NGF: variants seen among roughly 807,000 people sequenced by gnomAD.
NGF encodes the protein nerve growth factor.
NGF carries 4 observed loss-of-function variants against 12.8 expected under a neutral mutation model. The ratio of observed to expected loss-of-function variants is 0.31; its 90% CI spans 0.15 to 0.72. The LOEUF (loss-of-function observed/expected upper bound fraction) is 0.72, where lower values mean the gene tolerates loss of function less well. NGF is among the 30% of genes least tolerant of loss of function. NGF has a pLI of 0.69. For synonymous variants in NGF, 140 were observed against 130.0 expected, an observed-to-expected ratio of 1.08 and a Z score of -0.52; for missense variants, 283 against 330.8, an observed-to-expected ratio of 0.86 and a Z score of 1.12.
intron 1 of NGF, among the ~76,000 whole-genome samples, chr1:115,303,727 A>G (rs1236759128): frequency 2.0e-5 from 3 of 152,130 alleles, no homozygotes; most frequent in African/African-American, 7.2e-5. Context: ...CATCATCCCC[A>G]TCACTTCCAA....
chr1:115,304,257 G>T (rs1264959851), intron 1 of NGF, among the ~76,000 whole-genome samples: 5 of 151,358 alleles, frequency 3.3e-5, no homozygotes, highest in Non-Finnish European at 4.4e-5. Context: ...CCACCTCCTG[G>T]GTTCAAGCAA....
chr1:115,302,644 G>A (rs1309148280), intron 1 of NGF, among the ~76,000 whole-genome samples: 1 of 152,244 alleles, frequency 6.6e-6, no homozygotes, highest in Non-Finnish European at 1.5e-5. Context: ...GCCTCTGTCT[G>A]TAAAGGAAGC....
At chr1:115,307,919 C>G (rs1654243526) in intron 1 of NGF, among the ~76,000 whole-genome samples, 2 of 152,164 alleles carry the variant, frequency 1.3e-5, no homozygotes, top group South Asian at 2.1e-4. Context: ...TATGACCTCA[C>G]CATTATCAGA....
chr1:115,295,531 TG>T (rs1320116707), intron 1 of NGF, among the ~76,000 whole-genome samples: 27 of 152,274 alleles, frequency 1.8e-4, no homozygotes, highest in African/African-American at 6.3e-4. Flanking sequence ...CATGGGAAGA[TG>T]GTTTCGTCTA....
chr1:115,332,090 T>A (rs1464148834), intron 1 of NGF, among the ~76,000 whole-genome samples: 2 of 152,216 alleles, frequency 1.3e-5, no homozygotes, highest in Non-Finnish European at 2.9e-5. Flanking sequence ...ACTTGAAGAA[T>A]TCCTAAGACA....
chr1:115,289,477 C>A (rs184223499), intron 2 of NGF, among the ~76,000 whole-genome samples: 3 of 152,126 alleles, frequency 2.0e-5, no homozygotes, highest in African/African-American at 4.8e-5. Context: ...AGGAGCCCAT[C>A]GAAATTTCTG....
chr1:115,333,715 T>C (rs946597338), intron 1 of NGF, among the ~76,000 whole-genome samples: 1 of 49,012 alleles, frequency 2.0e-5, no homozygotes, highest in African/African-American at 2.4e-4. Flanking sequence ...CTTTCTTTCT[T>C]TTCTTTCTTT....
At chr1:115,322,478 T>C (rs1407092225) in intron 1 of NGF, among the ~76,000 whole-genome samples, 3 of 152,108 alleles carry the variant, frequency 2.0e-5, no homozygotes, top group Non-Finnish European at 4.4e-5. Context: ...AGGCTATAAA[T>C]GCCCTCTGAC....
At chr1:115,310,284 C>T (rs1247824048) in intron 1 of NGF, among the ~76,000 whole-genome samples, 1 of 152,224 alleles carries the variant, frequency 6.6e-6, no homozygotes, top group Admixed American at 6.5e-5. Context: ...TCTCCTTCCT[C>T]TCTTTCCCAA....
rs372985633 is a variant in NGF, at chr1:115,286,415, G to A, written c.381C>T (p.Ile127=). The stretch of plus-strand genomic sequence containing the variant: ...ACACCGAGAATTCGCCCCTGTGGAA[G>A]ATGGGATGGGATGATGACCGCTTGC... ...HRSKRSSSHP[I]FHRGEFSVCD... Residue 127 remains isoleucine (I), a synonymous_variant, in exon 3 of 3, where the codon ATC becomes ATT. Coordinates refer to ENST00000369512, the MANE Select transcript of NGF (RefSeq NM_002506.3). 29 of 1,613,738 alleles carry A rather than the reference G, an allele frequency of 1.8e-5. No homozygotes were observed. The highest frequency in any genetic ancestry group is 2.4e-5 in the Non-Finnish European group (28 of 1,179,996).
chr1:115,326,595 G>A (rs1654784731), intron 1 of NGF, among the ~76,000 whole-genome samples: 1 of 152,126 alleles, frequency 6.6e-6, no homozygotes, highest in Admixed American at 6.6e-5. Context: ...GCCTCACAAG[G>A]TTCCGCTCAA....
chr1:115,311,527 G>C (rs1256234790), intron 1 of NGF, among the ~76,000 whole-genome samples: 2 of 152,144 alleles, frequency 1.3e-5, no homozygotes. Flanking sequence ...GGTGCTACTG[G>C]CATCCAGTGG....
At chr1:115,304,614 T>A (rs1410326029) in intron 1 of NGF, among the ~76,000 whole-genome samples, 1 of 152,144 alleles carries the variant, frequency 6.6e-6, no homozygotes, top group Non-Finnish European at 1.5e-5. Flanking sequence ...TCTTCACATC[T>A]GAAGACAAGT....
At chr1:115,291,231 G>GT (rs201603728) in intron 2 of NGF, among the ~76,000 whole-genome samples, 5,830 of 151,616 alleles carry the variant, frequency 0.038, 181 homozygotes, top group East Asian at 0.084. Flanking sequence ...AAACTTTTAA[G>GT]TTTAAAAAAA....
At chr1:115,304,332 T>TTTTTTTTTTTTTTTTTC (rs1387467774) in intron 1 of NGF, among the ~76,000 whole-genome samples, 1 of 121,600 alleles carries the variant, frequency 8.2e-6, no homozygotes. Context: ...TTGGCTAATT[T>TTTTTTTTTTTTTTTTTC]TTTTTTTTTT....
intron 1 of NGF, among the ~76,000 whole-genome samples, chr1:115,314,646 C>A (rs1287507407): frequency 6.6e-6 from 1 of 152,132 alleles, no homozygotes; most frequent in African/African-American, 2.4e-5. Context: ...TAGATAAGCA[C>A]ACAAACAGCT....
chr1:115,311,091 G>C (rs1654324236), intron 1 of NGF, among the ~76,000 whole-genome samples: 2 of 152,176 alleles, frequency 1.3e-5, no homozygotes, highest in South Asian at 4.1e-4. Flanking sequence ...AGCCACATAG[G>C]CTAGAAAGAA....
chr1:115,322,155 A>T (rs1654648345), intron 1 of NGF, among the ~76,000 whole-genome samples: 1 of 152,214 alleles, frequency 6.6e-6, no homozygotes, highest in African/African-American at 2.4e-5. Context: ...CACTAGAGAA[A>T]CCTTGTCTCT....
chr1:115,309,231 C>A (rs1654280622), intron 1 of NGF, among the ~76,000 whole-genome samples: 2 of 152,060 alleles, frequency 1.3e-5, no homozygotes, highest in African/African-American at 4.8e-5. Flanking sequence ...ATTTAGCAAG[C>A]CAGGACTTGG....
Sources: allele counts gnomAD v4.1 joint callset (sites outside exome capture counted in the v4.1 genomes callset), GRCh38; gene constraint gnomAD v4.1.1; transcripts MANE v1.5; gene names NCBI Gene and HGNC (gene_info 2026-07-23, HGNC 2026-07-21).